Variants in KIAA1217 observed in about 807,000 individuals in gnomAD.
The protein encoded by KIAA1217 is sickle tail protein homolog.
KIAA1217 carries 88 observed loss-of-function variants against 163.9 expected under a neutral mutation model. The ratio of observed to expected loss-of-function variants is 0.54; its 90% confidence interval spans 0.45 to 0.64. The LOEUF is 0.64. Ranked by LOEUF, KIAA1217 falls within the 30% of genes least tolerant of loss-of-function variation. KIAA1217 has a pLI of 0.00. For missense variants in KIAA1217, 2,372 were observed against 2,475.0 expected (o/e 0.96, Z 0.88); for synonymous variants, 903 against 923.1 (o/e 0.98, Z 0.39).
chr10:23,786,052 G>A lies in KIAA1217; in HGVS notation c.-321+90818G>A, dbSNP rs574599948. Among the ~76,000 whole-genome samples, 8 of 152,208 alleles carry A rather than the reference G, an allele frequency of 5.3e-5. No individual in the cohort carries two copies. The East Asian group carries it at 1.5e-3, about 29-fold the overall frequency. On this transcript the variant is annotated intron_variant, in intron 1 of 18. Coordinates refer to the KIAA1217 transcript ENST00000376462. ...TCTCTGGTAAAAGAGATTAAAACAA[G>A]TATCTACATAAAATTACAAGGCAAG... is the stretch of plus-strand genomic sequence containing the variant.
At position 23,870,163 on chromosome 10, in the gene KIAA1217, C is replaced by T. The variant is rs77842155; in HGVS notation, c.-320-137062C>T. On this transcript the variant is annotated intron_variant, in intron 1 of 18. Coordinates refer to the KIAA1217 transcript ENST00000376462. Reference sequence around the variant, plus strand: ...TCCAGCTGGGCTGGATTGTCCCTAGCATTCCTTCTGATTAGTTACTCTCTA... The same window carrying T: ...TCCAGCTGGGCTGGATTGTCCCTAGTATTCCTTCTGATTAGTTACTCTCTA... Among the ~76,000 whole-genome samples the T allele has an allele frequency of 6.5e-3, 992 of 152,204 alleles. 35 individuals are homozygous for T. Among genetic ancestry groups the T allele is most frequent in the Admixed American group, 0.045 (694 of 15,274 alleles).
At chr10:23,868,863 G>A (rs1364359105) in intron 1 of KIAA1217, among the ~76,000 whole-genome samples, 1 of 152,088 alleles carries the variant, frequency 6.6e-6, no homozygotes, top group Non-Finnish European at 1.5e-5. Context: ...ATTTGAAAAA[G>A]TATCTTGTCT....
chr10:24,326,067 G>A (rs544611800), intron 2 of KIAA1217, among the ~76,000 whole-genome samples: 1 of 152,100 alleles, frequency 6.6e-6, no homozygotes, highest in Non-Finnish European at 1.5e-5. Flanking sequence ...ATCACTCCAG[G>A]ACCGTCTAAA....
At chr10:23,859,748 A>C (rs889882412) in intron 1 of KIAA1217, among the ~76,000 whole-genome samples, 1 of 152,144 alleles carries the variant, frequency 6.6e-6, no homozygotes, top group Non-Finnish European at 1.5e-5. Context: ...AAAATTTCTA[A>C]GTATAGAAAC....
intron 6 of KIAA1217, among the ~76,000 whole-genome samples, chr10:24,491,109 C>T (rs976209335): frequency 1.3e-5 from 2 of 152,098 alleles, no homozygotes; most frequent in African/African-American, 4.8e-5. Flanking sequence ...AAGCTGAGTA[C>T]TCACTGAGCC....
At chr10:24,143,457 G>T (rs960968589) in intron 2 of KIAA1217, among the ~76,000 whole-genome samples, 38 of 151,996 alleles carry the variant, frequency 2.5e-4, no homozygotes, top group African/African-American at 8.0e-4. Flanking sequence ...AGTAGAGATG[G>T]GGTTTCACCA....
At chr10:23,933,264 A>C (rs563474967) in intron 1 of KIAA1217, among the ~76,000 whole-genome samples, 4 of 152,142 alleles carry the variant, frequency 2.6e-5, no homozygotes, top group African/African-American at 9.7e-5. Context: ...ACCAAATAAT[A>C]TTTTTTGAAA....
intron 2 of KIAA1217, among the ~76,000 whole-genome samples, chr10:24,029,037 G>A (rs954463909): frequency 6.6e-6 from 1 of 152,096 alleles, no homozygotes; most frequent in African/African-American, 2.4e-5. Flanking sequence ...GGGAGCCAAG[G>A]GCTGTGCAAT....
At chr10:23,702,525 T>C (rs1414634802) in intron 1 of KIAA1217, among the ~76,000 whole-genome samples, 2 of 152,146 alleles carry the variant, frequency 1.3e-5, no homozygotes, top group African/African-American at 4.8e-5. Context: ...GTTTGCTTTT[T>C]CATATGGGAA....
chr10:24,386,931 A>G (rs933157302), intron 3 of KIAA1217, among the ~76,000 whole-genome samples: 2 of 152,230 alleles, frequency 1.3e-5, no homozygotes, highest in African/African-American at 4.8e-5. Flanking sequence ...TCTGTAGAGT[A>G]AGTGAAACAT....
Position 24,546,447 on chromosome 10 carries a change from G to T in KIAA1217, c.*123G>T, listed in dbSNP as rs2075726843. ...TCGTTTGAGGCTTAATGCTAAATATGTGCTAAATACTGGATTAATAGATTT... is the reference window on the plus strand; with the variant it reads ...TCGTTTGAGGCTTAATGCTAAATATTTGCTAAATACTGGATTAATAGATTT... On this transcript the variant is annotated 3_prime_UTR_variant, in exon 21 of 21. Transcript: ENST00000376454. The T allele has an allele frequency of 3.9e-6, 4 of 1,020,554 alleles. No homozygotes were observed. Among genetic ancestry groups the T allele is most frequent in the Non-Finnish European group, 5.6e-6 (4 of 710,846 alleles). 63.2% of individuals were successfully genotyped at this position (1,020,554 alleles called of 1,614,324 possible). A position where few individuals can be genotyped will look rare whatever the true frequency, so the allele number is the denominator to read the frequency against.
intron 1 of KIAA1217, among the ~76,000 whole-genome samples, chr10:23,898,272 A>G (rs181857701): frequency 7.0e-4 from 106 of 151,598 alleles, no homozygotes; most frequent in African/African-American, 2.4e-3. Flanking sequence ...TCTGGCTTTA[A>G]AAAAGTTTCT....
At chr10:24,228,140 T>G (rs1024165412) in intron 2 of KIAA1217, among the ~76,000 whole-genome samples, 3 of 151,992 alleles carry the variant, frequency 2.0e-5, no homozygotes, top group Non-Finnish European at 4.4e-5. Context: ...ATGGGCATGA[T>G]GACTCGTGCC....
At chr10:23,745,836 A>T (rs34504746) in intron 1 of KIAA1217, among the ~76,000 whole-genome samples, 1 of 152,224 alleles carries the variant, frequency 6.6e-6, no homozygotes, top group Admixed American at 6.5e-5. Flanking sequence ...GGGTGCAAAT[A>T]CAATGAGCAA....
intron 1 of KIAA1217, among the ~76,000 whole-genome samples, chr10:23,707,251 T>C (rs1001090278): frequency 6.6e-6 from 1 of 151,976 alleles, no homozygotes; most frequent in Admixed American, 6.6e-5. Context: ...GTTCTGGCGG[T>C]GGGAATAACA....
At chr10:24,274,453 C>T (rs973213957) in intron 2 of KIAA1217, among the ~76,000 whole-genome samples, 1 of 151,736 alleles carries the variant, frequency 6.6e-6, no homozygotes, top group Non-Finnish European at 1.5e-5. Context: ...CTCACATCTG[C>T]AAAAAAAGTA....
At chr10:24,343,920 A>G (rs1017358110) in intron 2 of KIAA1217, among the ~76,000 whole-genome samples, 3 of 151,914 alleles carry the variant, frequency 2.0e-5, no homozygotes, top group Non-Finnish European at 4.4e-5. Flanking sequence ...CTGTTTCTGA[A>G]CTCTATGTTT....
intron 1 of KIAA1217, among the ~76,000 whole-genome samples, chr10:23,891,965 G>A (rs191550943): frequency 6.6e-6 from 1 of 151,966 alleles, no homozygotes; most frequent in African/African-American, 2.4e-5. Flanking sequence ...AAGGTTATTA[G>A]TATAAAGTGT....
chr10:24,057,579 C>A (rs1464656236), intron 2 of KIAA1217, among the ~76,000 whole-genome samples: 1 of 152,130 alleles, frequency 6.6e-6, no homozygotes, highest in Non-Finnish European at 1.5e-5. Flanking sequence ...CAAGTTTCAT[C>A]CATGTCGTGG....
Sources: allele counts gnomAD v4.1 joint callset (sites outside exome capture counted in the v4.1 genomes callset), GRCh38; gene constraint gnomAD v4.1.1; transcripts MANE v1.5; gene names NCBI Gene and HGNC (gene_info 2026-07-23, HGNC 2026-07-21).